CNBD1: variants seen among roughly 807,000 people sequenced by gnomAD.
The protein encoded by CNBD1 is cyclic nucleotide binding domain containing 1.
In CNBD1, 71 loss-of-function variants were observed where a neutral mutation model predicts 54.4. That is an observed-to-expected ratio of 1.30 (90% CI 1.08 to 1.59). The LOEUF (loss-of-function observed/expected upper bound fraction) is 1.59. Ranked by LOEUF, CNBD1 falls within the 40% of genes most tolerant of loss-of-function variation. CNBD1 has a pLI of 0.00. For missense variants in CNBD1, 659 were observed against 518.0 expected (o/e 1.27, Z -2.64); for synonymous variants, 182 against 170.7 (o/e 1.07, Z -0.51).
intron 4 of CNBD1, among the ~76,000 whole-genome samples, chr8:87,062,549 C>T (rs11998566): frequency 0.011 from 1,671 of 152,108 alleles, 48 homozygotes; most frequent in African/African-American, 0.038. Flanking sequence ...ACCAGCCTGA[C>T]CAACATGGAG....
intron 4 of CNBD1, among the ~76,000 whole-genome samples, chr8:87,147,705 T>C (rs1049735543): frequency 6.6e-6 from 1 of 152,040 alleles, no homozygotes; most frequent in Non-Finnish European, 1.5e-5. Flanking sequence ...ATTTAGCCTA[T>C]TTTTTTAGTA....
intron 4 of CNBD1, among the ~76,000 whole-genome samples, chr8:87,131,724 C>T (rs1461240399): frequency 1.3e-5 from 2 of 152,046 alleles, no homozygotes; most frequent in East Asian, 1.9e-4. Context: ...AACACACATA[C>T]ACACAATAAT....
At chr8:87,348,281 T>C (rs1463410290) in intron 8 of CNBD1, among the ~76,000 whole-genome samples, 1 of 152,174 alleles carries the variant, frequency 6.6e-6, no homozygotes, top group Non-Finnish European at 1.5e-5. Flanking sequence ...TGCAAATAAA[T>C]ATACATTTTT....
intron 6 of CNBD1, among the ~76,000 whole-genome samples, chr8:87,241,540 G>T (rs1400248855): frequency 2.0e-5 from 3 of 152,066 alleles, no homozygotes; most frequent in Non-Finnish European, 4.4e-5. Flanking sequence ...CCAAAGTGCT[G>T]GGATTACAGG....
At chr8:87,374,404 C>A (rs937723349) in intron 10 of CNBD1, among the ~76,000 whole-genome samples, 6 of 151,730 alleles carry the variant, frequency 4.0e-5, no homozygotes, top group African/African-American at 1.5e-4. Flanking sequence ...ATAAAAAATA[C>A]CACATTTAAG....
At chr8:87,211,678 TA>T (rs1397680356) in intron 5 of CNBD1, among the ~76,000 whole-genome samples, 28 of 152,206 alleles carry the variant, frequency 1.8e-4, no homozygotes, top group African/African-American at 6.8e-4. Context: ...TACCTTCTAC[TA>T]TGAGTAAAAT....
At chr8:87,355,573 A>G (rs886450052) in intron 10 of CNBD1, among the ~76,000 whole-genome samples, 3 of 152,210 alleles carry the variant, frequency 2.0e-5, no homozygotes, top group Non-Finnish European at 4.4e-5. Context: ...AGAAATGAAT[A>G]GAAGCTAATA....
At chr8:87,371,098 G>T (rs1406237588) in intron 10 of CNBD1, among the ~76,000 whole-genome samples, 1 of 151,310 alleles carries the variant, frequency 6.6e-6, no homozygotes, top group Non-Finnish European at 1.5e-5. Flanking sequence ...TCTCTGTTTT[G>T]GTACCAGTAC....
At chr8:86,920,106 AG>A (rs1809248013) in intron 3 of CNBD1, among the ~76,000 whole-genome samples, 1 of 152,178 alleles carries the variant, frequency 6.6e-6, no homozygotes, top group Non-Finnish European at 1.5e-5. Context: ...CATTCATCTA[AG>A]GGCTTATTTC....
chr8:87,150,574 CG>C (rs1198974194), intron 4 of CNBD1, among the ~76,000 whole-genome samples: 1 of 152,086 alleles, frequency 6.6e-6, no homozygotes, highest in African/African-American at 2.4e-5. Context: ...AGGCAAGGAA[CG>C]TTTTATTCAA....
At chr8:87,147,609 A>G (rs1306639304) in intron 4 of CNBD1, among the ~76,000 whole-genome samples, 1 of 152,110 alleles carries the variant, frequency 6.6e-6, no homozygotes, top group Non-Finnish European at 1.5e-5. Context: ...TTTCTACTAA[A>G]TTGGTTGAAC....
At chr8:87,038,184 T>C (rs1563444965) in intron 4 of CNBD1, among the ~76,000 whole-genome samples, 1 of 152,188 alleles carries the variant, frequency 6.6e-6, no homozygotes, top group African/African-American at 2.4e-5. Flanking sequence ...CATGTTGATA[T>C]GTGGGTTTGG....
At chr8:87,331,428 TATAC>T (rs751478474) in intron 8 of CNBD1, among the ~76,000 whole-genome samples, 9 of 152,214 alleles carry the variant, frequency 5.9e-5, no homozygotes, top group Admixed American at 1.3e-4. Flanking sequence ...TTCCATGGTG[TATAC>T]ATACCGCATT....
intron 4 of CNBD1, among the ~76,000 whole-genome samples, chr8:87,165,464 T>C (rs1159208281): frequency 6.6e-6 from 1 of 152,018 alleles, no homozygotes; most frequent in Non-Finnish European, 1.5e-5. Flanking sequence ...TTTACAATTA[T>C]GTCCTCTCAA....
intron 10 of CNBD1, among the ~76,000 whole-genome samples, chr8:87,365,740 A>G (rs1177288587): frequency 6.6e-6 from 1 of 152,082 alleles, no homozygotes; most frequent in Non-Finnish European, 1.5e-5. Context: ...AGATTTTAAA[A>G]TTAACATTAA....
chr8:86,876,954 CA>C (rs1808529322), intron 1 of CNBD1, among the ~76,000 whole-genome samples: 1 of 151,868 alleles, frequency 6.6e-6, no homozygotes, highest in African/African-American at 2.4e-5. Flanking sequence ...AATCTGAGAA[CA>C]AAAATGTTTA....
rs555582073 is a variant in CNBD1, at chr8:87,297,163, CAAAAAAAAAAA to C, written c.1042+10504_1042+10514del. ...ACTGCAGTCCAGCCTGGGTCCGTCT[CAAAAAAAAAAA>C]AAAAAAAAAAAGGAAAAAATTAAAT... On this transcript the variant is annotated intron_variant, in intron 8 of 10. Coordinates refer to ENST00000518476, the MANE Select transcript of CNBD1 (RefSeq NM_173538.3). Among the ~76,000 whole-genome samples, 576 of 88,750 alleles carry C rather than the reference CAAAAAAAAAAA, an allele frequency of 6.5e-3. 9 individuals carry two copies. The highest frequency in any genetic ancestry group is 0.026 in the African/African-American group (548 of 21,172). 58.2% of individuals were successfully genotyped at this position (88,750 alleles called of 152,430 possible).
chr8:86,946,495 G>T (rs1017623873), intron 4 of CNBD1, among the ~76,000 whole-genome samples: 1 of 152,008 alleles, frequency 6.6e-6, no homozygotes, highest in Non-Finnish European at 1.5e-5. Flanking sequence ...TATTATTTCA[G>T]CATAGATGTG....
chr8:87,232,791 A>G (rs901975551), intron 5 of CNBD1, among the ~76,000 whole-genome samples: 1 of 152,152 alleles, frequency 6.6e-6, no homozygotes, highest in Non-Finnish European at 1.5e-5. Context: ...AATGTGTTGG[A>G]TGATGAAAGA....
Sources: gnomAD v4.1 joint callset for allele counts (sites outside exome capture counted in the v4.1 genomes callset) on GRCh38, gnomAD v4.1.1 for gene constraint, MANE v1.5 for transcripts, NCBI Gene and HGNC (gene_info 2026-07-23, HGNC 2026-07-21) for gene names.